BCO2: variants seen among roughly 807,000 people sequenced by gnomAD.
BCO2 encodes carotenoid-cleaving dioxygenase, mitochondrial.
BCO2 carries 56 observed loss-of-function variants against 65.8 expected under a neutral mutation model. That is an observed-to-expected ratio of 0.85 (90% CI 0.69 to 1.06). The LOEUF is 1.06. Ranked by LOEUF, BCO2 falls within the 50% of genes least tolerant of loss-of-function variation. BCO2 has a pLI of 0.00. For missense variants in BCO2, 675 were observed against 698.5 expected (o/e 0.97, Z 0.38); for synonymous variants, 233 against 242.3 (o/e 0.96, Z 0.36).
chr11:112,178,683 G>C (rs912405768), intron 1 of BCO2, among the ~76,000 whole-genome samples: 43 of 152,210 alleles, frequency 2.8e-4, no homozygotes, highest in African/African-American at 1.0e-3. Context: ...TTTCAGACTG[G>C]ATATCACTGC....
intron 8 of BCO2, chr11:112,208,784 A>G: frequency 5.4e-6 from 1 of 186,518 alleles, no homozygotes. Context: ...AAATTACTGG[A>G]TTTGTGGATG....
At chr11:112,178,228 A>G (rs1043493476) in intron 1 of BCO2, among the ~76,000 whole-genome samples, 1 of 152,058 alleles carries the variant, frequency 6.6e-6, no homozygotes, top group Non-Finnish European at 1.5e-5. Flanking sequence ...ATTTTCTTAG[A>G]ACTAGAGAAA....
chr11:112,211,237 CATA>C (rs1859499300), intron 8 of BCO2, among the ~76,000 whole-genome samples: 1 of 151,780 alleles, frequency 6.6e-6, no homozygotes, highest in Non-Finnish European at 1.5e-5. Context: ...TTTCACTTAG[CATA>C]ATGTTTTCAA....
At position 112,214,878 on chromosome 11, in the gene BCO2, C is replaced by G; in HGVS notation, c.1449C>G (p.Gly483=). ...FSGKKYHFFY[G]CGFRHLVGDS... The stretch of plus-strand genomic sequence containing the variant: ...GCAAAAAGTATCATTTCTTTTATGG[C>G]TGTGGCTTTCGGCATTTAGTGGGGG... The change falls in exon 10 of 12, where the codon GGC becomes GGG. Residue 483 remains glycine, a synonymous_variant. Transcript: ENST00000357685. 1 of 1,614,182 alleles carries G rather than the reference C, an allele frequency of 6.2e-7. No homozygotes were observed. Among genetic ancestry groups the G allele is most frequent in the Non-Finnish European group, 8.5e-7 (1 of 1,180,018 alleles).
intron 8 of BCO2, among the ~76,000 whole-genome samples, chr11:112,212,785 C>T (rs1213295523): frequency 6.6e-6 from 1 of 152,184 alleles, no homozygotes; most frequent in Non-Finnish European, 1.5e-5. Flanking sequence ...TACTGATGTT[C>T]CAGATCCTCA....
At position 112,183,439 on chromosome 11, in the gene BCO2, C is replaced by T. The variant is rs191381627; in HGVS notation, c.293+3957C>T. 1.4e-4 allele frequency among the ~76,000 whole-genome samples: 21 copies of T among 152,060 alleles called. 1 individual carries two copies. The highest frequency in any genetic ancestry group is 1.2e-3 in the East Asian group (6 of 5,174). ...AAACTAGATATTGCTGCTTTTTGAA[C>T]GGGGTAGGAGGGTTTACCTAGTTTT... On this transcript the variant is annotated intron_variant, in intron 2 of 11. Transcript: ENST00000357685.
Position 112,179,481 on chromosome 11 carries a change from A to T in BCO2, c.292A>T (p.Lys98Ter). ...TGGGAAATTCGAGTTTGGGAAGGAT[A>T]AGTAAGCCTTGATTTTGGAGAACAA... ...GPGKFEFGKD[K>*]YNHWFDGMAL... Residue 98 changes from lysine to a stop codon, truncating the protein, a stop_gained and splice_region_variant, in exon 2 of 12, where the codon AAG becomes TAG. Transcript: ENST00000357685. LOFTEE classifies it high-confidence loss of function. 6.2e-7 allele frequency: 1 copy of T among 1,613,458 alleles called. No individual in the cohort carries two copies. The highest frequency in any genetic ancestry group is 8.5e-7 in the Non-Finnish European group (1 of 1,179,536).
Position 112,192,062 on chromosome 11 carries a change from A to G in BCO2, c.294-1412A>G, listed in dbSNP as rs141772674. ...ATTGAATCTCTATACTCATTAAGCA[A>G]CAACTCTTTATTTCTCCTTCCTGCT... On this transcript the variant is annotated intron_variant, in intron 2 of 11. Coordinates refer to ENST00000357685, the MANE Select transcript of BCO2 (RefSeq NM_031938.7). Among the ~76,000 whole-genome samples the G allele has an allele frequency of 5.2e-3, 791 of 152,258 alleles. 3 individuals are homozygous for G. Among genetic ancestry groups the G allele is most frequent in the African/African-American group, 0.018 (760 of 41,572 alleles).
chr11:112,188,667 G>A (rs569641412), intron 2 of BCO2, among the ~76,000 whole-genome samples: 57 of 151,680 alleles, frequency 3.8e-4, no homozygotes, highest in African/African-American at 1.3e-3. Flanking sequence ...GCAGACATCC[G>A]TAAAGAACCA....
At chr11:112,191,871 AAAG>A (rs1421685188) in intron 2 of BCO2, among the ~76,000 whole-genome samples, 1 of 152,192 alleles carries the variant, frequency 6.6e-6, no homozygotes, top group African/African-American at 2.4e-5. Flanking sequence ...TCATTGGGTT[AAAG>A]AAGGACTTTT....
chr11:112,182,706 G>A (rs548772306), intron 2 of BCO2, among the ~76,000 whole-genome samples: 2 of 151,820 alleles, frequency 1.3e-5, no homozygotes, highest in Non-Finnish European at 2.9e-5. Flanking sequence ...CCTGTCATGG[G>A]GTGGGGGGAG....
chr11:112,180,768 G>T, intron 2 of BCO2: 1 of 946,074 alleles, frequency 1.1e-6, no homozygotes, highest in Non-Finnish European at 1.8e-6. Flanking sequence ...AGTGGGGGCA[G>T]CGTGATGAGG....
intron 2 of BCO2, among the ~76,000 whole-genome samples, chr11:112,184,203 A>AAT (rs1867135366): frequency 3.9e-5 from 6 of 152,208 alleles, no homozygotes; most frequent in Non-Finnish European, 8.8e-5. Context: ...TGTCTGCTAA[A>AAT]GGCCAATGTA....
intron 8 of BCO2, among the ~76,000 whole-genome samples, chr11:112,206,804 T>C (rs1859354818): frequency 6.6e-6 from 1 of 152,230 alleles, no homozygotes; most frequent in African/African-American, 2.4e-5. Context: ...TTGGAGACAA[T>C]TGACATCTTT....
intron 8 of BCO2, among the ~76,000 whole-genome samples, chr11:112,212,931 C>T: frequency 6.6e-6 from 1 of 152,078 alleles, no homozygotes. Flanking sequence ...CAGTTCCCAG[C>T]AACCAGCCCA....
At chr11:112,205,356 G>A (rs1867840120) in intron 8 of BCO2, among the ~76,000 whole-genome samples, 1 of 152,212 alleles carries the variant, frequency 6.6e-6, no homozygotes, top group Admixed American at 6.5e-5. Context: ...CCTTATGAGT[G>A]TGAGGTTTTA....
intron 8 of BCO2, chr11:112,208,605 G>T: frequency 4.5e-6 from 1 of 224,212 alleles, no homozygotes. Context: ...GTCATGATGG[G>T]CAGCAAGATG....
In BCO2 at chr11:112,214,922, A is replaced by T. The variant is rs762393662; in HGVS notation, c.1493A>T (p.Asp498Val). ...GTGGGGGATTCTCTGATCAAGGTTG[A>T]TGTGGTGAATAAGACACTGAAGGTG... ...HLVGDSLIKV[D>V]VVNKTLKVWR... Residue 498 changes from aspartate (D) to valine (V), a missense_variant, in exon 10 of 12, where the codon GAT becomes GTT. Asp to Val is a radical substitution (Grantham distance 152). Coordinates refer to ENST00000357685, the MANE Select transcript of BCO2 (RefSeq NM_031938.7). The T allele has an allele frequency of 1.2e-6, 2 of 1,614,164 alleles. No individual in the cohort carries two copies. The highest frequency in any genetic ancestry group is 1.7e-6 in the Non-Finnish European group (2 of 1,180,022).
chr11:112,186,934 T>C (rs577723167), intron 2 of BCO2, among the ~76,000 whole-genome samples: 245 of 152,336 alleles, frequency 1.6e-3, no homozygotes, highest in Middle Eastern at 0.01. Context: ...CTAGACAGGA[T>C]TTCAGGATCC....
Sources: allele counts gnomAD v4.1 joint callset (sites outside exome capture counted in the v4.1 genomes callset), GRCh38; gene constraint gnomAD v4.1.1; transcripts MANE v1.5; gene names NCBI Gene and HGNC (gene_info 2026-07-23, HGNC 2026-07-21).